Variants in DACH2 observed in about 807,000 individuals in gnomAD.
DACH2 encodes dachshund homolog 2.
In DACH2, 17 loss-of-function variants were observed where a neutral mutation model predicts 35.8. The ratio of observed to expected loss-of-function variants is 0.48; its 90% confidence interval spans 0.33 to 0.71. The LOEUF is 0.71. Among genes scored for constraint, DACH2 ranks in the 30% least tolerant of loss-of-function variants. DACH2 has a pLI of 0.02. For missense variants in DACH2, 469 were observed against 472.7 expected (o/e 0.99, Z 0.07); for synonymous variants, 195 against 177.3 (o/e 1.10, Z -0.79).
intron 11 of DACH2, among the ~76,000 whole-genome samples, chrX:86,820,733 TATAAA>T (rs1302877056): frequency 9.0e-6 from 1 of 111,248 alleles, no homozygotes; most frequent in Admixed American, 9.7e-5. Context: ...ATATTCATAA[TATAAA>T]ATATATGTGA....
At chrX:86,454,927 T>C (rs2037447815) in intron 2 of DACH2, among the ~76,000 whole-genome samples, 1 of 111,780 alleles carries the variant, frequency 8.9e-6, no homozygotes, top group South Asian at 3.7e-4. Flanking sequence ...CCTTCAATCT[T>C]TTAGTTTTCT....
chrX:86,795,788 CTT>C, intron 7 of DACH2, among the ~76,000 whole-genome samples: 1 of 110,034 alleles, frequency 9.1e-6, no homozygotes, highest in Middle Eastern at 4.7e-3. Flanking sequence ...GTCTCACTGA[CTT>C]CAGGAGTGAA....
intron 1 of DACH2, among the ~76,000 whole-genome samples, chrX:86,276,243 T>C (rs1176939852): frequency 8.9e-6 from 1 of 112,276 alleles, no homozygotes; most frequent in Non-Finnish European, 1.9e-5. Flanking sequence ...GGTGAGATGA[T>C]AGATCATTGT....
intron 2 of DACH2, among the ~76,000 whole-genome samples, chrX:86,482,173 A>G (rs1039127344): frequency 8.9e-6 from 1 of 112,037 alleles, no homozygotes; most frequent in Non-Finnish European, 1.9e-5. Context: ...ACAAAAATGT[A>G]TAGTATTTTC....
At chrX:86,450,034 T>C (rs1010670168) in intron 2 of DACH2, among the ~76,000 whole-genome samples, 2 of 111,714 alleles carry the variant, frequency 1.8e-5, no homozygotes, top group African/African-American at 6.5e-5. Context: ...TTTGAAGAAC[T>C]TCCTTTAGTA....
intron 2 of DACH2, among the ~76,000 whole-genome samples, chrX:86,480,673 G>A (rs1602567275): frequency 8.9e-6 from 1 of 111,902 alleles, no homozygotes; most frequent in African/African-American, 3.2e-5. Flanking sequence ...ACAAATATAG[G>A]CCTTTTATCT....
At chrX:86,688,968 A>G (rs751627681) in intron 4 of DACH2, among the ~76,000 whole-genome samples, 1 of 111,511 alleles carries the variant, frequency 9.0e-6, no homozygotes, top group Non-Finnish European at 1.9e-5. Flanking sequence ...TTAAATAGCC[A>G]CAGGTGACTA....
At chrX:86,561,901 T>TAAAAAAAAAAA (rs60538249) in intron 3 of DACH2, among the ~76,000 whole-genome samples, 1 of 65,079 alleles carries the variant, frequency 1.5e-5, no homozygotes, top group Non-Finnish European at 2.8e-5. Flanking sequence ...AAAGTAGAAT[T>TAAAAAAAAAAA]AAAAAAAAAA....
chrX:86,539,830 A>G (rs1461715281), intron 3 of DACH2, among the ~76,000 whole-genome samples: 1 of 111,602 alleles, frequency 9.0e-6, no homozygotes, highest in Non-Finnish European at 1.9e-5. Flanking sequence ...AGTGTCTGGC[A>G]TAGTAAGTAT....
At chrX:86,600,119 G>A (rs767879625) in intron 3 of DACH2, among the ~76,000 whole-genome samples, 1 of 112,273 alleles carries the variant, frequency 8.9e-6, no homozygotes, top group Non-Finnish European at 1.9e-5. Flanking sequence ...TCAGAGTGGA[G>A]CACCTATGTT....
chrX:86,431,448 G>A (rs1206937353), intron 2 of DACH2, among the ~76,000 whole-genome samples: 1 of 111,855 alleles, frequency 8.9e-6, no homozygotes, highest in African/African-American at 3.2e-5. Flanking sequence ...GTAGTCAGCA[G>A]TTATAGAGAA....
chrX:86,671,330 G>A (rs1171671178), intron 4 of DACH2, among the ~76,000 whole-genome samples: 1 of 112,063 alleles, frequency 8.9e-6, no homozygotes, highest in East Asian at 2.8e-4. Context: ...ACTAGTTTTA[G>A]CTTGTGAACT....
chrX:86,155,661 C>A (rs1409678120), intron 1 of DACH2, among the ~76,000 whole-genome samples: 1 of 111,066 alleles, frequency 9.0e-6, no homozygotes, highest in Non-Finnish European at 1.9e-5. Flanking sequence ...TTTGAAAATG[C>A]AAATTTTAAA....
intron 5 of DACH2, among the ~76,000 whole-genome samples, chrX:86,711,385 AT>A (rs2041277793): frequency 1.8e-5 from 2 of 112,124 alleles, no homozygotes; most frequent in South Asian, 3.6e-4. Flanking sequence ...CATTAAAAAA[AT>A]AAATAAATAA....
At chrX:86,672,169 A>G (rs895599423) in intron 4 of DACH2, among the ~76,000 whole-genome samples, 3 of 112,114 alleles carry the variant, frequency 2.7e-5, no homozygotes, top group African/African-American at 6.5e-5. Context: ...CCATCAGCCT[A>G]TGCTCATATG....
intron 2 of DACH2, among the ~76,000 whole-genome samples, chrX:86,477,370 A>ATATATATATAT (rs1491178969): frequency 1.2e-5 from 1 of 85,092 alleles, no homozygotes; most frequent in African/African-American, 4.1e-5. Flanking sequence ...ATATATATAT[A>ATATATATATAT]ATTGTTATAT....
chrX:86,667,580 GA>G (rs762023423), intron 4 of DACH2, among the ~76,000 whole-genome samples: 2 of 101,210 alleles, frequency 2.0e-5, no homozygotes, highest in African/African-American at 7.9e-5. Flanking sequence ...AAGAAAGAAA[GA>G]AAGAAAGAAA....
chrX:86,234,518 T>C (rs1256566654), intron 1 of DACH2, among the ~76,000 whole-genome samples: 1 of 111,545 alleles, frequency 9.0e-6, no homozygotes, highest in African/African-American at 3.3e-5. Context: ...TTCTCATATA[T>C]CCTGTACCTA....
At chrX:86,438,398 G>T (rs918623131) in intron 2 of DACH2, among the ~76,000 whole-genome samples, 3 of 109,696 alleles carry the variant, frequency 2.7e-5, no homozygotes, top group Non-Finnish European at 5.7e-5. Context: ...TAATTTTTTT[G>T]TATTTTTAGT....
Sources: gnomAD v4.1 joint callset for allele counts (sites outside exome capture counted in the v4.1 genomes callset) on GRCh38, gnomAD v4.1.1 for gene constraint, MANE v1.5 for transcripts, NCBI Gene and HGNC (gene_info 2026-07-23, HGNC 2026-07-21) for gene names.